Variants in GRID2 observed in about 807,000 individuals in gnomAD.
GRID2 encodes glutamate ionotropic receptor delta type subunit 2.
In GRID2, 33 loss-of-function variants were observed where a neutral mutation model predicts 114.8. That is an observed-to-expected ratio of 0.29 (90% CI 0.22 to 0.38). The LOEUF (loss-of-function observed/expected upper bound fraction) is 0.38. Among genes scored for constraint, GRID2 ranks in the 10% least tolerant of loss-of-function variants. The pLI is 1.00. For missense variants in GRID2, 1,184 were observed against 1,257.7 expected (o/e 0.94, Z 0.89); for synonymous variants, 505 against 449.9 (o/e 1.12, Z -1.55).
intron 13 of GRID2, among the ~76,000 whole-genome samples, chr4:93,554,068 C>T (rs1197655429): frequency 6.6e-6 from 1 of 152,132 alleles, no homozygotes; most frequent in Non-Finnish European, 1.5e-5. Context: ...AACTCTGTTA[C>T]AGTAGTGAGA....
chr4:92,624,102 G>T (rs1579707848), intron 2 of GRID2, among the ~76,000 whole-genome samples: 1 of 151,820 alleles, frequency 6.6e-6, no homozygotes, highest in East Asian at 1.9e-4. Context: ...ACAATATTCA[G>T]CATTAATTAA....
intron 12 of GRID2, among the ~76,000 whole-genome samples, chr4:93,505,303 AT>A (rs1728518315): frequency 6.6e-6 from 1 of 151,986 alleles, no homozygotes; most frequent in Non-Finnish European, 1.5e-5. Flanking sequence ...GAATATGAAA[AT>A]CCCCTATTTC....
At chr4:93,269,569 G>T (rs1273100907) in intron 8 of GRID2, among the ~76,000 whole-genome samples, 1 of 152,194 alleles carries the variant, frequency 6.6e-6, no homozygotes, top group Non-Finnish European at 1.5e-5. Flanking sequence ...AATGGTCCTA[G>T]AGAAGTGTTA....
chr4:92,384,575 A>ATTATATATTATATTATATAT (rs1729815760), intron 1 of GRID2, among the ~76,000 whole-genome samples: 1 of 71,064 alleles, frequency 1.4e-5, no homozygotes, highest in African/African-American at 7.4e-5. Context: ...TATAATATAT[A>ATTATATATTATATTATATAT]AAATATATTA....
At position 93,316,390 on chromosome 4, in the gene GRID2, AAAGG is replaced by A. The variant is rs199677852; in HGVS notation, c.1245+77914_1245+77917del. ...GAAAAAGAAAGAAAGAAAGAATAGA[AAAGG>A]AAGGAAGGAAGGAGAAGAAAAGAAT... is the stretch of plus-strand genomic sequence containing the variant. On this transcript the variant is annotated intron_variant, in intron 8 of 15. Coordinates refer to ENST00000282020, the MANE Select transcript of GRID2 (RefSeq NM_001510.4). Among the ~76,000 whole-genome samples, 66 of 143,554 alleles carry A rather than the reference AAAGG, an allele frequency of 4.6e-4. 1 individual carries two copies. Among genetic ancestry groups the A allele is most frequent in the East Asian group, 1.5e-3 (7 of 4,722 alleles). The allele number at this position is 143,554 out of a possible 152,430, so 94.2% of individuals were successfully genotyped here. A position where few individuals can be genotyped will look rare whatever the true frequency, so the allele number is the denominator to read the frequency against.
chr4:93,786,251 G>A (rs1213761675), intron 1 of GRID2, among the ~76,000 whole-genome samples: 3 of 152,182 alleles, frequency 2.0e-5, no homozygotes, highest in Non-Finnish European at 4.4e-5. Flanking sequence ...GACTGCAGCT[G>A]TTGGAAGAAT....
chr4:92,764,219 G>C (rs997872611), intron 2 of GRID2, among the ~76,000 whole-genome samples: 1 of 152,116 alleles, frequency 6.6e-6, no homozygotes, highest in Non-Finnish European at 1.5e-5. Flanking sequence ...TTGGAGGGAG[G>C]CTGGCAAACA....
chr4:93,719,198 A>G (rs1056888967), intron 14 of GRID2, among the ~76,000 whole-genome samples: 2 of 152,010 alleles, frequency 1.3e-5, no homozygotes, highest in African/African-American at 2.4e-5. Flanking sequence ...AACACTTAAG[A>G]TTTATTTTCT....
At chr4:92,403,075 T>A (rs954617137) in intron 1 of GRID2, among the ~76,000 whole-genome samples, 1 of 152,194 alleles carries the variant, frequency 6.6e-6, no homozygotes, top group African/African-American at 2.4e-5. Context: ...CCTCTACTGG[T>A]TTCCAACTTT....
intron 1 of GRID2, among the ~76,000 whole-genome samples, chr4:92,462,549 T>A (rs114928772): frequency 0.023 from 3,460 of 152,062 alleles, 62 homozygotes; most frequent in Middle Eastern, 0.044. Context: ...ATATTTTTTG[T>A]TGTTTTTGTT....
At chr4:93,192,745 C>T (rs1741103160) in intron 4 of GRID2, among the ~76,000 whole-genome samples, 2 of 92,250 alleles carry the variant, frequency 2.2e-5, no homozygotes, top group South Asian at 7.2e-4. Context: ...AAAACTCCAT[C>T]TCAAAAAAAA....
chr4:92,537,667 AG>A (rs1240160578), intron 1 of GRID2, among the ~76,000 whole-genome samples: 3 of 152,280 alleles, frequency 2.0e-5, no homozygotes, highest in East Asian at 3.9e-4. Context: ...AATTCTAAAT[AG>A]TACTTGTCTT....
chr4:92,899,439 T>A (rs1429904546), intron 2 of GRID2, among the ~76,000 whole-genome samples: 1 of 152,192 alleles, frequency 6.6e-6, no homozygotes, highest in Admixed American at 6.5e-5. Context: ...GTGGTTGAAT[T>A]TCTGAGAAGT....
chr4:93,224,642 T>C lies in GRID2; in HGVS notation c.992T>C (p.Val331Ala). 1 of 1,611,186 alleles carries C rather than the reference T, an allele frequency of 6.2e-7. No homozygotes were observed. The highest frequency in any genetic ancestry group is 1.1e-5 in the South Asian group (1 of 91,018). Residue 331 changes from valine to alanine, a missense_variant, in exon 7 of 16, where the codon GTG becomes GCG. Transcript: ENST00000282020. ...EISNLYIYDT[V>A]LLLANAFHKK... ...TCCAACCTTTACATATATGACACGG[T>C]GCTTCTGCTTGCTAATGCTTTTCAT...
intron 2 of GRID2, among the ~76,000 whole-genome samples, chr4:92,604,715 T>A (rs1370025302): frequency 5.9e-5 from 9 of 152,124 alleles, no homozygotes; most frequent in African/African-American, 2.4e-5. Flanking sequence ...CTATTTATTA[T>A]GTCTGACAAA....
At chr4:92,644,880 C>T (rs982079624) in intron 2 of GRID2, among the ~76,000 whole-genome samples, 2 of 151,306 alleles carry the variant, frequency 1.3e-5, no homozygotes, top group African/African-American at 4.8e-5. Context: ...GATTTATGTG[C>T]AACAGATATG....
At chr4:93,205,764 A>C (rs1446912810) in intron 4 of GRID2, among the ~76,000 whole-genome samples, 2 of 152,016 alleles carry the variant, frequency 1.3e-5, no homozygotes, top group Admixed American at 1.3e-4. Context: ...ACTAGTTGAC[A>C]GTCCCACCAA....
intron 4 of GRID2, among the ~76,000 whole-genome samples, chr4:93,154,885 A>G (rs1420015977): frequency 6.6e-6 from 1 of 151,982 alleles, no homozygotes; most frequent in Non-Finnish European, 1.5e-5. Flanking sequence ...CTTTATAATT[A>G]TCTGTAAGGG....
chr4:92,720,708 T>C (rs1185484290), intron 2 of GRID2, among the ~76,000 whole-genome samples: 2 of 151,982 alleles, frequency 1.3e-5, no homozygotes, highest in Non-Finnish European at 2.9e-5. Context: ...CTAATATATA[T>C]GGAAAATATA....
Sources: gnomAD v4.1 joint callset for allele counts (sites outside exome capture counted in the v4.1 genomes callset) on GRCh38, gnomAD v4.1.1 for gene constraint, MANE v1.5 for transcripts, NCBI Gene and HGNC (gene_info 2026-07-23, HGNC 2026-07-21) for gene names.